Variants in ZNF532 observed in about 807,000 individuals in gnomAD.
The protein encoded by ZNF532 is zinc finger protein 532.
ZNF532 carries 22 observed loss-of-function variants against 89.3 expected under a neutral mutation model. The ratio of observed to expected loss-of-function variants is 0.25; its 90% CI spans 0.18 to 0.35. ZNF532 has a LOEUF of 0.35. ZNF532 is among the 10% of genes least tolerant of loss of function. ZNF532 has a pLI of 1.00. For missense variants in ZNF532, 1,132 were observed against 1,643.4 expected, an observed-to-expected ratio of 0.69 and a Z score of 5.38; for synonymous variants, 606 against 649.6, an observed-to-expected ratio of 0.93 and a Z score of 1.02.
intron 3 of ZNF532, among the ~76,000 whole-genome samples, chr18:58,927,607 C>T (rs553812378): frequency 1.3e-5 from 2 of 152,024 alleles, no homozygotes; most frequent in South Asian, 4.2e-4. Context: ...TTTCAGAGTC[C>T]TTTTATGTTT....
At position 58,895,765 on chromosome 18, in the gene ZNF532, A is replaced by G. The variant is rs1004939472; in HGVS notation, c.-17-22506A>G. On this transcript the variant is annotated intron_variant, in intron 2 of 9. Coordinates refer to ENST00000591808, the MANE Select transcript of ZNF532 (RefSeq NM_001375912.1). ...TAAAGGTTGCTAGCCTGTTGCTGGT[A>G]TTTATCAGCCCATTTCCCTAAAGGT... is the stretch of plus-strand genomic sequence containing the variant. 8.5e-5 allele frequency among the ~76,000 whole-genome samples: 13 copies of G among 152,052 alleles called. No homozygotes were observed. The East Asian group carries it at 2.3e-3, about 27-fold the overall frequency.
rs2060862927 is a variant in ZNF532 at position 58,919,461 on chromosome 18, CCTT to C, written c.1176_1178del (p.Ser393del). On this transcript the variant is annotated inframe_deletion, in exon 3 of 10. Transcript: ENST00000591808. The surrounding 1 kb of genome is among the most constrained non-coding windows in gnomAD (Gnocchi z 6.1). ...AGTGGATCTTGACTCTGGAAAGAAA[CCTT>C]CCGAGCAGACAGCGTCCGTGATGGC... 1.2e-6 allele frequency: 2 copies of C among 1,614,070 alleles called. No individual in the cohort carries two copies. Among genetic ancestry groups the C allele is most frequent in the Non-Finnish European group, 1.7e-6 (2 of 1,180,048 alleles).
chr18:58,898,454 A>G (rs1175654907), intron 2 of ZNF532, among the ~76,000 whole-genome samples: 2 of 152,208 alleles, frequency 1.3e-5, no homozygotes, highest in African/African-American at 4.8e-5. Flanking sequence ...TAAATATTTA[A>G]AGGGTTCAAA....
Position 58,965,723 on chromosome 18 carries a change from T to C in ZNF532, c.3150+11924T>C, listed in dbSNP as rs1298260149. ...GCTTTCTGGAATTACTTGCAGTTGC[T>C]GTTAACAGCATCATGGTGTCGTTAA... is the stretch of plus-strand genomic sequence containing the variant. On this transcript the variant is annotated intron_variant, in intron 7 of 9. Transcript: ENST00000591808. Among the ~76,000 whole-genome samples the C allele has an allele frequency of 2.6e-5, 4 of 152,382 alleles. No individual in the cohort carries two copies. In the East Asian group the frequency reaches 5.8e-4, roughly 22 times the overall value.
intron 2 of ZNF532, among the ~76,000 whole-genome samples, chr18:58,889,070 T>C (rs2058707329): frequency 1.3e-5 from 2 of 149,518 alleles, no homozygotes; most frequent in Non-Finnish European, 3.0e-5. Flanking sequence ...ATTTGAGTGT[T>C]AATTTGGCAC....
chr18:58,927,500 C>G (rs1185656053), intron 3 of ZNF532, among the ~76,000 whole-genome samples: 3 of 151,828 alleles, frequency 2.0e-5, no homozygotes, highest in Admixed American at 2.0e-4. Context: ...TTCTTCAGCT[C>G]CAAATCTGGG....
chr18:58,984,540 T>G lies in ZNF532; in HGVS notation c.*74T>G. 6.6e-7 allele frequency: 1 copy of G among 1,515,620 alleles called. No individual in the cohort carries two copies. Among genetic ancestry groups the G allele is most frequent in the South Asian group, 1.3e-5 (1 of 74,134 alleles). The allele number at this position is 1,515,620 out of a possible 1,614,324, so 93.9% of individuals were successfully genotyped here. On this transcript the variant is annotated 3_prime_UTR_variant, in exon 10 of 10. Coordinates refer to ENST00000591808, the MANE Select transcript of ZNF532 (RefSeq NM_001375912.1). ...GACATTTTTGTTACAAAGTTTGCAGTATAATAGAGTTAACAGTACTGTCTA... is the reference window on the plus strand; with the variant it reads ...GACATTTTTGTTACAAAGTTTGCAGGATAATAGAGTTAACAGTACTGTCTA...
chr18:58,936,576 A>G (rs1309654251), intron 4 of ZNF532, among the ~76,000 whole-genome samples: 1 of 152,196 alleles, frequency 6.6e-6, no homozygotes, highest in African/African-American at 2.4e-5. Context: ...CTTTTGCCCT[A>G]CTCACAGAGT....
chr18:58,880,341 G>A (rs904231779), intron 2 of ZNF532, among the ~76,000 whole-genome samples: 21 of 152,282 alleles, frequency 1.4e-4, no homozygotes, highest in East Asian at 7.7e-4. Context: ...GAGCAGTGCC[G>A]AAAAGTGGGT....
chr18:58,940,963 TTCTCTCTCTC>T (rs140521782), intron 5 of ZNF532, among the ~76,000 whole-genome samples: 4 of 105,332 alleles, frequency 3.8e-5, no homozygotes, highest in Middle Eastern at 4.0e-3. Context: ...CACACACTCT[TTCTCTCTCTC>T]TCTCTCTCTC....
chr18:58,979,352 A>AAAT (rs139470257), intron 8 of ZNF532, 185 bp downstream of exon 8: 5 of 297,370 alleles, frequency 1.7e-5, no homozygotes, highest in African/African-American at 5.1e-5. Flanking sequence ...AAAATAAAAA[A>AAAT]AAAAGGAGCA....
chr18:58,891,366 C>G (rs1693228760), intron 2 of ZNF532, among the ~76,000 whole-genome samples: 1 of 152,136 alleles, frequency 6.6e-6, no homozygotes. Flanking sequence ...CCTATCTCTA[C>G]TAAAAATACA....
chr18:58,953,398 A>T, intron 6 of ZNF532, 120 bp from the exon 7 acceptor site: 1 of 829,256 alleles, frequency 1.2e-6, no homozygotes, highest in Non-Finnish European at 1.8e-6. Flanking sequence ...TATATATTAA[A>T]TATTTCTGAA....
chr18:58,941,599 A>G (rs2063037244), intron 5 of ZNF532, among the ~76,000 whole-genome samples: 1 of 150,400 alleles, frequency 6.6e-6, no homozygotes, highest in South Asian at 2.1e-4. Context: ...AGTAGCTGGG[A>G]CCACAGGTGC....
chr18:58,915,851 T>G (rs2060564133), intron 2 of ZNF532, among the ~76,000 whole-genome samples: 1 of 152,226 alleles, frequency 6.6e-6, no homozygotes, highest in Admixed American at 6.5e-5. Context: ...TTCTTTTTGT[T>G]CCTGAACTGA....
chr18:58,888,842 T>C (rs1257561670), intron 2 of ZNF532, among the ~76,000 whole-genome samples: 3 of 44,984 alleles, frequency 6.7e-5, no homozygotes, highest in Admixed American at 3.8e-4. Flanking sequence ...ATATATAATT[T>C]ATATATATAT....
At chr18:58,963,970 C>T (rs2065645922) in intron 7 of ZNF532, 1 of 152,182 alleles carries the variant, frequency 6.6e-6, no homozygotes, top group African/African-American at 2.4e-5. Context: ...AACGTTACAT[C>T]TCCATGTTGT....
intron 5 of ZNF532, among the ~76,000 whole-genome samples, chr18:58,942,353 T>TTCCTCCCTCCCTCCCTC: frequency 2.8e-5 from 1 of 36,030 alleles, no homozygotes; most frequent in South Asian, 1.4e-3. Flanking sequence ...CTCCCTCCCT[T>TTCCTCCCTCCCTCCCTC]CCTTCCTTCC....
At chr18:58,947,048 C>G (rs1368503001) in intron 5 of ZNF532, among the ~76,000 whole-genome samples, 1 of 152,158 alleles carries the variant, frequency 6.6e-6, no homozygotes, top group Non-Finnish European at 1.5e-5. Flanking sequence ...ATTTCTGACC[C>G]TCACATCCAG....
Sources: gnomAD v4.1 joint callset for allele counts (sites outside exome capture counted in the v4.1 genomes callset) on GRCh38, gnomAD v4.1.1 for gene constraint, Gnocchi (gnomAD v3.1) non-coding constraint, MANE v1.5 for transcripts, NCBI Gene and HGNC (gene_info 2026-07-23, HGNC 2026-07-21) for gene names.